The following FRY variants were observed in gnomAD, a reference collection of about 807,000 sequenced individuals.
The protein encoded by FRY is FRY microtubule binding protein.
FRY carries 128 observed loss-of-function variants against 348.4 expected under a neutral mutation model. That is an observed-to-expected ratio of 0.37 (90% CI 0.32 to 0.43). The LOEUF is 0.43. Among genes scored for constraint, FRY ranks in the 20% least tolerant of loss-of-function variants. The pLI is 1.00. For missense variants in FRY, 2,736 were observed against 3,695.2 expected, an observed-to-expected ratio of 0.74 and a Z score of 6.73; for synonymous variants, 1,370 against 1,374.7, an observed-to-expected ratio of 1.00 and a Z score of 0.08.
chr13:32,229,204 G>T (rs1044683226), intron 40 of FRY, among the ~76,000 whole-genome samples: 1 of 152,178 alleles, frequency 6.6e-6, no homozygotes, highest in Non-Finnish European at 1.5e-5. Context: ...AACTGCAAGT[G>T]GTACTGGTTA....
At chr13:32,096,954 A>ATG (rs1876771727) in intron 2 of FRY, among the ~76,000 whole-genome samples, 1 of 151,880 alleles carries the variant, frequency 6.6e-6, no homozygotes, top group African/African-American at 2.4e-5. Context: ...TTATATATAT[A>ATG]TATCAACTTT....
intron 48 of FRY, among the ~76,000 whole-genome samples, chr13:32,247,827 A>G (rs1331854518): frequency 7.9e-5 from 12 of 152,250 alleles, no homozygotes; most frequent in Non-Finnish European, 2.9e-5. Context: ...TCATGTCTTT[A>G]TATCCACAAT....
chr13:32,137,720 G>T (rs1456627907), intron 11 of FRY, among the ~76,000 whole-genome samples: 3 of 152,178 alleles, frequency 2.0e-5, no homozygotes, highest in African/African-American at 7.2e-5. Context: ...AGTTGTTCTT[G>T]GTTGTGTCCA....
chr13:32,142,807 G>T (rs929316015), intron 11 of FRY, among the ~76,000 whole-genome samples: 4 of 152,160 alleles, frequency 2.6e-5, no homozygotes, highest in Admixed American at 2.0e-4. Flanking sequence ...ATAACCTGCT[G>T]TATGGTAGTC....
rs753580930 is a variant in FRY at position 32,124,624 on chromosome 13, A to G, written c.578A>G (p.Asp193Gly). 3.1e-6 allele frequency: 5 copies of G among 1,595,072 alleles called. No homozygotes were observed. In the South Asian group the frequency reaches 4.4e-5, roughly 14 times the overall value. Residue 193 changes from aspartate to glycine, a missense_variant, in exon 6 of 61, where the codon GAC becomes GGC. This residue lies in a region of FRY where 309 missense variants were observed against 418.1 expected (regional missense o/e 0.74). Transcript: ENST00000542859. ...CAGATTCCACTTCATCCTGTAATAG[A>G]CAGTTTAATACATGATGTTATTAAC... ...LKQIPLHPVI[D>G]SLIHDVINLA...
Position 32,202,016 on chromosome 13 carries a change from T to C in FRY, c.3822T>C (p.Tyr1274=), listed in dbSNP as rs9567420. 0.055 allele frequency: 86,858 copies of C among 1,592,802 alleles called. 4,187 individuals are homozygous for C. The highest frequency in any genetic ancestry group is 0.27 in the East Asian group (12,026 of 44,754). The change falls in exon 30 of 61, where the codon TAT becomes TAC. Residue 1274 remains tyrosine (Y), a synonymous_variant. Transcript: ENST00000542859. ...FKASDTNREI[Y]EISMQLMQIL... ...CCTCTGACACCAACAGAGAGATTTATGAAATCTCCATGCAGCTCATGCAGG... is the reference window on the plus strand; with the variant it reads ...CCTCTGACACCAACAGAGAGATTTACGAAATCTCCATGCAGCTCATGCAGG...
intron 59 of FRY, 44 bp from the exon 60 acceptor site, chr13:32,294,324 C>A: frequency 1.4e-6 from 2 of 1,388,530 alleles, no homozygotes; most frequent in East Asian, 2.4e-5. Flanking sequence ...GTAAAATTCC[C>A]CCAGCACCTA....
chr13:32,231,156 A>G, intron 40 of FRY, 23 bp from the exon 41 acceptor site: 7 of 1,609,538 alleles, frequency 4.3e-6, no homozygotes, highest in Non-Finnish European at 6.0e-6. Flanking sequence ...TATATTTTTG[A>G]CATTTTGTGT....
Position 32,244,123 on chromosome 13 carries a change from G to C in FRY, c.6769G>C (p.Val2257Leu), listed in dbSNP as rs1288642676. ...TCTTCTCAGCTACATGGACCTTTCT[G>C]TCGTTCCTGTCAAACAGTTCAATGT... is the stretch of plus-strand genomic sequence containing the variant. ...YSLLSYMDLS[V>L]VPVKQFNVEV... Residue 2257 changes from valine (V) to leucine (L), a missense_variant, in exon 47 of 61, where the codon GTC (valine) becomes CTC (leucine). Physicochemically the swap from Val to Leu is conservative, Grantham distance 32 (BLOSUM62 1). This residue lies in a region of FRY where 789 missense variants were observed against 996.2 expected (regional missense o/e 0.79). Coordinates refer to ENST00000542859, the MANE Select transcript of FRY (RefSeq NM_023037.3). 2 of 1,613,766 alleles carry C rather than the reference G, an allele frequency of 1.2e-6. No homozygotes were observed.
intron 2 of FRY, among the ~76,000 whole-genome samples, chr13:32,098,124 T>G (rs534575852): frequency 1.6e-4 from 24 of 152,086 alleles, no homozygotes; most frequent in Non-Finnish European, 3.1e-4. Flanking sequence ...TCAAGAGCCT[T>G]ACAAATTCCA....
At chr13:32,289,564 G>T in intron 58 of FRY, 69 bp from the exon 59 acceptor site, 2 of 957,010 alleles carry the variant, frequency 2.1e-6, no homozygotes, top group Non-Finnish European at 1.7e-6. Flanking sequence ...TCTCCATTGA[G>T]ATTTCACTAG....
chr13:32,212,358 A>G lies in FRY; in HGVS notation c.4658A>G (p.Lys1553Arg), dbSNP rs754442027. ...QENFPDAEEN[K>R]ILKESDERFS... ...AATTTCCCAGATGCTGAGGAGAACAAGATATTGAAAGAATCTGATGAAAGG... is the reference window on the plus strand; with the variant it reads ...AATTTCCCAGATGCTGAGGAGAACAGGATATTGAAAGAATCTGATGAAAGG... The change falls in exon 35 of 61, where the codon AAG (lysine) becomes AGG (arginine). Residue 1553 changes from lysine (K) to arginine (R), a missense_variant. By Grantham distance (26) the Lys-to-Arg change is conservative. Transcript: ENST00000542859. 29 of 1,603,950 alleles carry G rather than the reference A, an allele frequency of 1.8e-5. No homozygotes were observed. Among genetic ancestry groups the G allele is most frequent in the Non-Finnish European group, 2.5e-5 (29 of 1,172,178 alleles).
intron 1 of FRY, among the ~76,000 whole-genome samples, chr13:32,042,918 G>A (rs1429530958): frequency 2.0e-5 from 3 of 152,170 alleles, no homozygotes; most frequent in Non-Finnish European, 4.4e-5. Flanking sequence ...AGAGATTCTT[G>A]TACCAAGGAA....
intron 46 of FRY, 147 bp from the exon 47 acceptor site, chr13:32,243,895 T>G: frequency 2.4e-6 from 2 of 824,052 alleles, no homozygotes; most frequent in South Asian, 1.5e-5. Context: ...AGTTCGAGAC[T>G]AGGCTGGGCA....
intron 56 of FRY, among the ~76,000 whole-genome samples, chr13:32,275,623 T>C (rs1017062588): frequency 6.6e-6 from 1 of 152,248 alleles, no homozygotes; most frequent in Non-Finnish European, 1.5e-5. Context: ...CTCCTGGAGC[T>C]GACCTAGCCG....
intron 1 of FRY, among the ~76,000 whole-genome samples, chr13:32,053,187 C>A (rs1478208168): frequency 6.6e-6 from 1 of 152,104 alleles, no homozygotes; most frequent in Non-Finnish European, 1.5e-5. Context: ...TGGCTAATAG[C>A]TACTGTATTA....
chr13:32,184,090 A>G (rs1428427939), intron 24 of FRY, among the ~76,000 whole-genome samples: 1 of 151,978 alleles, frequency 6.6e-6, no homozygotes, highest in Admixed American at 6.6e-5. Flanking sequence ...GAGGCAGAAG[A>G]ATCACTTGAG....
At chr13:32,187,492 C>T (rs1883090581) in intron 27 of FRY, 54 bp from the exon 28 acceptor site, 2 of 1,015,464 alleles carry the variant, frequency 2.0e-6, no homozygotes, top group Admixed American at 3.4e-5. Flanking sequence ...CAGTTGGATA[C>T]CATTAGATCA....
chr13:32,106,198 G>A (rs921358621), intron 3 of FRY, among the ~76,000 whole-genome samples: 2 of 147,570 alleles, frequency 1.4e-5, no homozygotes, highest in Admixed American at 1.4e-4. Context: ...TATATCTATA[G>A]GATATATAAC....
Sources: gnomAD v4.1 joint callset for allele counts (sites outside exome capture counted in the v4.1 genomes callset) on GRCh38, gnomAD v4.1.1 for gene constraint, gnomAD v4.1.1 regional missense constraint, MANE v1.5 for transcripts, NCBI Gene and HGNC (gene_info 2026-07-23, HGNC 2026-07-21) for gene names.